MCEE: variants seen among roughly 807,000 people sequenced by gnomAD.
MCEE encodes methylmalonyl-CoA epimerase, mitochondrial.
Under a neutral mutation model 12.9 loss-of-function variants are expected in MCEE, and 6 were observed. That is an observed-to-expected ratio of 0.47 (90% CI 0.26 to 0.92). The LOEUF (loss-of-function observed/expected upper bound fraction) is 0.92. MCEE is among the 40% of genes least tolerant of loss of function. MCEE has a pLI of 0.16. For missense variants in MCEE, 214 were observed against 212.1 expected (o/e 1.01, Z -0.05); for synonymous variants, 78 against 77.9 (o/e 1.00, Z -0.01).
intron 2 of MCEE, among the ~76,000 whole-genome samples, chr2:71,117,230 T>C (rs2103624434): frequency 6.6e-6 from 1 of 150,698 alleles, no homozygotes; most frequent in East Asian, 1.9e-4. Context: ...AGCCTAACAC[T>C]GTCTCACTTT....
chr2:71,126,493 C>G (rs533326751), intron 1 of MCEE, among the ~76,000 whole-genome samples: 18 of 145,720 alleles, frequency 1.2e-4, no homozygotes, highest in Admixed American at 4.3e-4. Context: ...CCCAAAGTGC[C>G]GGGATCACAG....
intron 2 of MCEE, among the ~76,000 whole-genome samples, chr2:71,117,749 G>A (rs1341386788): frequency 1.3e-5 from 2 of 150,108 alleles, no homozygotes; most frequent in Admixed American, 6.6e-5. Flanking sequence ...GCCTGCAACA[G>A]TAATTTCAAG....
Position 71,130,210 on chromosome 2 carries a change from C to T in MCEE, c.10G>A (p.Val4Met), listed in dbSNP as rs202194538. Residue 4 changes from valine to methionine, a missense_variant, in exon 1 of 3, where the codon GTG (valine) becomes ATG (methionine). Transcript: ENST00000244217. ...GCATTCGCGGCTGCAGCCTTCAGCA[C>T]CCGCGCCATTTTGGAAAGCAACCCG... MAR[V>M]LKAAAANAVG... The T allele has an allele frequency of 2.7e-5, 44 of 1,607,806 alleles. No homozygotes were observed. The highest frequency in any genetic ancestry group is 1.3e-4 in the Admixed American group (8 of 59,464).
rs74552443 is a variant in MCEE, at chr2:71,123,111, T to C, written c.378+1095A>G. Among the ~76,000 whole-genome samples the C allele has an allele frequency of 8.4e-4, 128 of 152,358 alleles. 1 individual carries two copies. In the East Asian group the frequency reaches 0.022, roughly 26 times the overall value. On this transcript the variant is annotated intron_variant, in intron 2 of 2. Coordinates refer to ENST00000244217, the MANE Select transcript of MCEE (RefSeq NM_032601.4). ...CAAGTACTTGGCAGAATACACATTA[T>C]AGGGTCTCATACATGTTTGCAATAA...
chr2:71,126,568 C>CAAAAAAAAA (rs70959207), intron 1 of MCEE, among the ~76,000 whole-genome samples: 2 of 72,138 alleles, frequency 2.8e-5, no homozygotes, highest in East Asian at 5.1e-4. Flanking sequence ...TACATTTTAC[C>CAAAAAAAAA]AAAAAAAAAA....
In MCEE at chr2:71,124,489, G is replaced by A. The variant is rs764794662; in HGVS notation, c.95C>T (p.Ser32Leu). 1 of 1,614,110 alleles carries A rather than the reference G, an allele frequency of 6.2e-7. No individual in the cohort carries two copies. ...ACCTGTCACTTGATCCAAGGGCTGTGATGTGGAAGAAGCTCTTACTGTTGG... is the reference window on the plus strand; with the variant it reads ...ACCTGTCACTTGATCCAAGGGCTGTAATGTGGAAGAAGCTCTTACTGTTGG... The part of the protein sequence containing the change: ...PIPTVRASST[S>L]QPLDQVTGSV... The change falls in exon 2 of 3, where the codon TCA (serine) becomes TTA (leucine). Residue 32 changes from serine to leucine, a missense_variant. Physicochemically the swap from Ser to Leu is moderately radical, Grantham distance 145 (BLOSUM62 -2). Coordinates refer to ENST00000244217, the MANE Select transcript of MCEE (RefSeq NM_032601.4).
At chr2:71,113,637 A>T (rs1195087888) in intron 2 of MCEE, among the ~76,000 whole-genome samples, 1 of 152,208 alleles carries the variant, frequency 6.6e-6, no homozygotes, top group African/African-American at 2.4e-5. Context: ...AAGAGCTCCT[A>T]ATGGCCAAAG....
At chr2:71,127,035 TAAAGG>T (rs1378075540) in intron 1 of MCEE, among the ~76,000 whole-genome samples, 1 of 152,230 alleles carries the variant, frequency 6.6e-6, no homozygotes, top group East Asian at 1.9e-4. Flanking sequence ...ATTATTCCAA[TAAAGG>T]TTGCTTTGCA....
intron 2 of MCEE, among the ~76,000 whole-genome samples, chr2:71,113,152 G>A (rs570344430): frequency 1.3e-5 from 2 of 152,208 alleles, no homozygotes. Context: ...GTTTCTCACT[G>A]TTGGAATGAG....
At position 71,125,207 on chromosome 2, in the gene MCEE, A is replaced by ATTT. The variant is rs1217307224; in HGVS notation, c.41-665_41-664insAAA. Among the ~76,000 whole-genome samples, 106 of 46,574 alleles carry ATTT rather than the reference A, an allele frequency of 2.3e-3. 2 individuals are homozygous for ATTT. The highest frequency in any genetic ancestry group is 5.5e-3 in the African/African-American group (90 of 16,226). 30.6% of individuals were successfully genotyped at this position (46,574 alleles called of 152,430 possible). On this transcript the variant is annotated intron_variant, in intron 1 of 2. Coordinates refer to ENST00000244217, the MANE Select transcript of MCEE (RefSeq NM_032601.4). ...TATATAAATATATATATATATATAT[A>ATTT]TATATTTTTTTTTTTTTTTGAGACG...
intron 2 of MCEE, among the ~76,000 whole-genome samples, chr2:71,120,533 C>T (rs1673079087): frequency 1.3e-5 from 2 of 150,288 alleles, no homozygotes; most frequent in Admixed American, 6.6e-5. Flanking sequence ...AACTCAACCT[C>T]GACAGAAAAA....
At chr2:71,117,144 A>G (rs969682076) in intron 2 of MCEE, among the ~76,000 whole-genome samples, 2 of 150,640 alleles carry the variant, frequency 1.3e-5, no homozygotes, top group Non-Finnish European at 2.9e-5. Flanking sequence ...GTTAAAGTGA[A>G]AAGTCTGGAT....
At chr2:71,125,211 A>ATATATATATATTTTTTTTTTTTTT in intron 1 of MCEE, among the ~76,000 whole-genome samples, 7 of 48,604 alleles carry the variant, frequency 1.4e-4, no homozygotes, top group Non-Finnish European at 3.1e-4. Flanking sequence ...ATATATATAT[A>ATATATATATATTTTTTTTTTTTTT]TTTTTTTTTT....
intron 2 of MCEE, among the ~76,000 whole-genome samples, chr2:71,114,027 T>C (rs1305439576): frequency 6.6e-6 from 1 of 151,612 alleles, no homozygotes; most frequent in African/African-American, 2.4e-5. Context: ...AACTGAACAG[T>C]AATCTTCAAA....
At chr2:71,122,326 G>A (rs993552330) in intron 2 of MCEE, among the ~76,000 whole-genome samples, 1 of 152,094 alleles carries the variant, frequency 6.6e-6, no homozygotes, top group Non-Finnish European at 1.5e-5. Context: ...GTAGAGACAC[G>A]GTTTTGCCAT....
intron 2 of MCEE, among the ~76,000 whole-genome samples, chr2:71,112,879 T>G (rs1166020712): frequency 1.3e-5 from 2 of 152,260 alleles, no homozygotes; most frequent in Non-Finnish European, 2.9e-5. Flanking sequence ...CTTCCTTTTC[T>G]GGGACTCCAA....
intron 2 of MCEE, among the ~76,000 whole-genome samples, chr2:71,113,594 G>A (rs980689326): frequency 3.3e-5 from 5 of 152,122 alleles, no homozygotes; most frequent in African/African-American, 7.2e-5. Flanking sequence ...AAAAATGATC[G>A]GGGTATGTCA....
At chr2:71,126,321 G>A (rs985833442) in intron 1 of MCEE, among the ~76,000 whole-genome samples, 11 of 150,734 alleles carry the variant, frequency 7.3e-5, no homozygotes, top group South Asian at 4.2e-4. Flanking sequence ...TCCACCTTCC[G>A]GGTTCAAGCG....
intron 2 of MCEE, among the ~76,000 whole-genome samples, chr2:71,115,811 T>G (rs936294132): frequency 9.9e-5 from 11 of 110,944 alleles, no homozygotes; most frequent in South Asian, 6.6e-4. Context: ...CCGGGGCCTG[T>G]TGGGGGGTGG....
Sources: gnomAD v4.1 joint callset for allele counts (sites outside exome capture counted in the v4.1 genomes callset) on GRCh38, gnomAD v4.1.1 for gene constraint, MANE v1.5 for transcripts, NCBI Gene and HGNC (gene_info 2026-07-23, HGNC 2026-07-21) for gene names.